KCNH1: variants seen among roughly 807,000 people sequenced by gnomAD.
KCNH1 encodes the protein potassium voltage-gated channel subfamily H member 1.
KCNH1 carries 27 observed loss-of-function variants against 69.2 expected under a neutral mutation model. The observed-to-expected ratio is 0.39, with a 90% confidence interval of 0.29 to 0.54. The LOEUF (loss-of-function observed/expected upper bound fraction) is 0.54, where lower values mean the gene tolerates loss of function less well. Among genes scored for constraint, KCNH1 ranks in the 20% least tolerant of loss-of-function variants. The probability of loss-of-function intolerance (pLI) is 0.68; values close to 1 mark genes in which losing one functional copy is unlikely to be tolerated. For missense variants in KCNH1, 798 were observed against 1,261.6 expected (o/e 0.63, Z 5.57); for synonymous variants, 456 against 487.7 (o/e 0.93, Z 0.86).
At chr1:210,969,238 C>G (rs1221163486) in intron 6 of KCNH1, among the ~76,000 whole-genome samples, 1 of 151,938 alleles carries the variant, frequency 6.6e-6, no homozygotes, top group African/African-American at 2.4e-5. Flanking sequence ...CTTTTCTACA[C>G]CATGCTTATG....
intron 7 of KCNH1, among the ~76,000 whole-genome samples, chr1:210,819,181 T>TTAGTAACTAA (rs1294283763): frequency 6.6e-6 from 1 of 152,138 alleles, no homozygotes; most frequent in Non-Finnish European, 1.5e-5. Flanking sequence ...ATTGAAGAAA[T>TTAGTAACTAA]TAGTAACTAA....
intron 9 of KCNH1, among the ~76,000 whole-genome samples, chr1:210,787,160 C>CT (rs56068839): frequency 0.06 from 8,769 of 147,186 alleles, 558 homozygotes; most frequent in African/African-American, 0.15. Flanking sequence ...TTTGGAACTA[C>CT]TTTTTTTTTT....
intron 7 of KCNH1, among the ~76,000 whole-genome samples, chr1:210,828,599 A>G (rs568424635): frequency 6.6e-6 from 1 of 152,286 alleles, no homozygotes; most frequent in Admixed American, 6.5e-5. Context: ...CTGACAGACC[A>G]CACAGCCCAG....
At chr1:210,903,163 T>C (rs1229180728) in intron 7 of KCNH1, among the ~76,000 whole-genome samples, 1 of 152,218 alleles carries the variant, frequency 6.6e-6, no homozygotes, top group East Asian at 1.9e-4. Flanking sequence ...CCATTGTTCC[T>C]TGACTCCAAA....
intron 5 of KCNH1, among the ~76,000 whole-genome samples, chr1:211,067,521 C>T (rs1238953782): frequency 2.6e-5 from 4 of 152,200 alleles, no homozygotes; most frequent in Non-Finnish European, 5.9e-5. Context: ...ACTACCCCTG[C>T]CCAGTGCTGC....
chr1:210,743,180 G>C (rs114839249), intron 10 of KCNH1, among the ~76,000 whole-genome samples: 1 of 106,022 alleles, frequency 9.4e-6, no homozygotes, highest in African/African-American at 4.3e-5. Context: ...GGAGCTAGAC[G>C]GAGCTGTCCT....
intron 1 of KCNH1, among the ~76,000 whole-genome samples, chr1:211,119,086 C>T (rs545040074): frequency 2.6e-5 from 4 of 152,262 alleles, no homozygotes; most frequent in South Asian, 4.1e-4. Flanking sequence ...TGAGGCCGGG[C>T]GCGGTGGCTC....
intron 6 of KCNH1, among the ~76,000 whole-genome samples, chr1:211,002,076 G>A (rs934240785): frequency 6.6e-6 from 1 of 151,902 alleles, no homozygotes; most frequent in African/African-American, 2.4e-5. Context: ...ATGAGTTAAT[G>A]GGTGCAGCAC....
chr1:210,757,258 C>T (rs1683418590), intron 10 of KCNH1, among the ~76,000 whole-genome samples: 1 of 152,144 alleles, frequency 6.6e-6, no homozygotes, highest in African/African-American at 2.4e-5. Flanking sequence ...CCTATGGAGC[C>T]ACCATAGGAC....
At chr1:210,765,888 C>G (rs2102357496) in intron 10 of KCNH1, among the ~76,000 whole-genome samples, 1 of 151,832 alleles carries the variant, frequency 6.6e-6, no homozygotes, top group East Asian at 2.0e-4. Flanking sequence ...ATGGTGAAAC[C>G]CTGTCTCCAA....
intron 5 of KCNH1, among the ~76,000 whole-genome samples, chr1:211,021,609 G>A (rs1689587562): frequency 6.6e-6 from 1 of 151,302 alleles, no homozygotes; most frequent in Admixed American, 6.6e-5. Flanking sequence ...CAACCTGTTA[G>A]AACTGATAAA....
intron 7 of KCNH1, among the ~76,000 whole-genome samples, chr1:210,866,086 C>T (rs1178198184): frequency 6.6e-6 from 1 of 152,028 alleles, no homozygotes; most frequent in Admixed American, 6.6e-5. Flanking sequence ...GAAGTTGGAC[C>T]CCTACCTCAC....
At chr1:210,842,315 T>A (rs1222409843) in intron 7 of KCNH1, among the ~76,000 whole-genome samples, 1 of 152,232 alleles carries the variant, frequency 6.6e-6, no homozygotes, top group South Asian at 2.1e-4. Context: ...ACCCCAAATA[T>A]AACAAGTGTT....
chr1:210,753,253 T>A (rs1358958079), intron 10 of KCNH1, among the ~76,000 whole-genome samples: 2 of 152,192 alleles, frequency 1.3e-5, no homozygotes, highest in Non-Finnish European at 2.9e-5. Context: ...TCACAGTATG[T>A]ACCACTCTCA....
intron 7 of KCNH1, among the ~76,000 whole-genome samples, chr1:210,829,549 C>T (rs1256799035): frequency 6.6e-6 from 1 of 152,134 alleles, no homozygotes; most frequent in African/African-American, 2.4e-5. Flanking sequence ...TCCCTCTGAC[C>T]TGTCCCCTGC....
chr1:211,016,871 G>A (rs1689501353), intron 6 of KCNH1, among the ~76,000 whole-genome samples: 2 of 126,284 alleles, frequency 1.6e-5, no homozygotes, highest in Non-Finnish European at 1.6e-5. Flanking sequence ...ATCACACCAC[G>A]ACATTCCAGC....
At chr1:210,907,260 C>G (rs558973135) in intron 7 of KCNH1, among the ~76,000 whole-genome samples, 1 of 152,156 alleles carries the variant, frequency 6.6e-6, no homozygotes, top group Non-Finnish European at 1.5e-5. Context: ...GGTACAATGG[C>G]TCTTCTTAAG....
At chr1:210,806,876 G>A (rs1684592502) in intron 7 of KCNH1, among the ~76,000 whole-genome samples, 1 of 133,226 alleles carries the variant, frequency 7.5e-6, no homozygotes, top group African/African-American at 2.9e-5. Context: ...GCATGGTGGT[G>A]CACACGAGTA....
At chr1:210,817,332 C>T (rs1263919519) in intron 7 of KCNH1, among the ~76,000 whole-genome samples, 1 of 152,056 alleles carries the variant, frequency 6.6e-6, no homozygotes, top group Non-Finnish European at 1.5e-5. Context: ...GCATAGAAGG[C>T]CCAAATATTT....
Sources: allele counts gnomAD v4.1 joint callset (sites outside exome capture counted in the v4.1 genomes callset), GRCh38; gene constraint gnomAD v4.1.1; transcripts MANE v1.5; gene names NCBI Gene and HGNC (gene_info 2026-07-23, HGNC 2026-07-21).